The following ANKHD1 variants were observed in gnomAD, a reference collection of about 807,000 sequenced individuals.
The protein encoded by ANKHD1 is ankyrin repeat and KH domain containing 1, also known as ankyrin repeat and KH domain-containing protein 1.
ANKHD1 carries 31 observed loss-of-function variants against 230.5 expected under a neutral mutation model. That is an observed-to-expected ratio of 0.13 (90% CI 0.10 to 0.18). The LOEUF (loss-of-function observed/expected upper bound fraction) is 0.18, where lower values mean the gene tolerates loss of function less well. ANKHD1 is among the 10% of genes least tolerant of loss of function. The pLI is 1.00. For missense variants in ANKHD1, 2,256 were observed against 3,071.3 expected (o/e 0.73, Z 6.27); for synonymous variants, 1,074 against 1,117.6 (o/e 0.96, Z 0.78).
intron 1 of ANKHD1, among the ~76,000 whole-genome samples, chr5:140,422,552 C>G (rs1772067141): frequency 6.6e-6 from 1 of 151,412 alleles, no homozygotes; most frequent in Admixed American, 6.6e-5. Flanking sequence ...TCTTCCAGCA[C>G]TTTGGGGGGC....
At chr5:140,518,771 T>G (rs1753172610) in intron 24 of ANKHD1, among the ~76,000 whole-genome samples, 1 of 152,180 alleles carries the variant, frequency 6.6e-6, no homozygotes. Context: ...AATTAGGTAT[T>G]GATGGGACGT....
intron 10 of ANKHD1, among the ~76,000 whole-genome samples, chr5:140,471,091 C>T (rs1031121621): frequency 1.3e-4 from 20 of 152,080 alleles, no homozygotes; most frequent in African/African-American, 4.1e-4. Flanking sequence ...ATCTGAAATG[C>T]TCCATGAGCA....
intron 15 of ANKHD1, among the ~76,000 whole-genome samples, chr5:140,503,553 C>CTTTTTTTTTTTTTTTTTTTTTTTTTTTTT (rs70988767): frequency 9.7e-5 from 5 of 51,420 alleles, no homozygotes; most frequent in Admixed American, 3.1e-4. Context: ...AGTTTTCTTT[C>CTTTTTTTTTTTTTTTTTTTTTTTTTTTTT]TTTTTTTTTT....
intron 1 of ANKHD1, among the ~76,000 whole-genome samples, chr5:140,430,652 C>CTTTT: frequency 8.7e-6 from 1 of 114,706 alleles, no homozygotes; most frequent in Non-Finnish European, 1.8e-5. Flanking sequence ...TGGTTTCCAT[C>CTTTT]TTTTTTTTTT....
intron 1 of ANKHD1, among the ~76,000 whole-genome samples, chr5:140,408,402 T>C (rs1219074508): frequency 6.6e-6 from 1 of 152,204 alleles, no homozygotes; most frequent in African/African-American, 2.4e-5. Context: ...ACACATACTT[T>C]AAAGGCATAT....
At chr5:140,530,557 T>TA (rs1753767998) in intron 29 of ANKHD1, among the ~76,000 whole-genome samples, 1 of 152,230 alleles carries the variant, frequency 6.6e-6, no homozygotes. Context: ...TATAGGCTCT[T>TA]ACTTTTGAAA....
chr5:140,424,527 A>G (rs1247129929), intron 1 of ANKHD1, among the ~76,000 whole-genome samples: 2 of 152,226 alleles, frequency 1.3e-5, no homozygotes, highest in South Asian at 2.1e-4. Context: ...GCTAGAATAT[A>G]AAAAGCAAAT....
At position 140,537,500 on chromosome 5, in the gene ANKHD1, G is replaced by A. The variant is rs777500808; in HGVS notation, c.7139G>A (p.Gly2380Glu). 2.5e-6 allele frequency: 4 copies of A among 1,613,892 alleles called. No individual in the cohort carries two copies. Among genetic ancestry groups the A allele is most frequent in the Non-Finnish European group, 3.4e-6 (4 of 1,179,980 alleles). Residue 2380 changes from glycine (G) to glutamate (E), a missense_variant, in exon 31 of 34, where the codon GGG (glycine) becomes GAG (glutamate). Transcript: ENST00000360839. ...AGACTGGCCCGAATTCGGCAAGGAG[G>A]GTCTGTTGCACAAGCCCCGGCGGGG... ...TERLARIRQG[G>E]SVAQAPAGTS...
intron 1 of ANKHD1, among the ~76,000 whole-genome samples, chr5:140,411,664 C>T (rs751455750): frequency 6.6e-5 from 10 of 151,374 alleles, no homozygotes; most frequent in Non-Finnish European, 8.8e-5. Flanking sequence ...GGATTATAGG[C>T]GGCCACCACC....
chr5:140,436,105 T>A lies in ANKHD1; in HGVS notation c.308T>A (p.Val103Asp). ...SGSDEDEVSE[V>D]ESFILDQEDL... ...ATTGCATCTTTATTTCATTAACAGG[T>A]TGAATCATTTATTTTGGACCAAGAA... is the stretch of plus-strand genomic sequence containing the variant. Residue 103 changes from valine (V) to aspartate (D), a missense_variant and splice_region_variant, in exon 2 of 34, where the codon GTT becomes GAT. By Grantham distance (152) the Val-to-Asp change is radical. Coordinates refer to ENST00000360839, the MANE Select transcript of ANKHD1 (RefSeq NM_017747.3). 1 of 1,555,276 alleles carries A rather than the reference T, an allele frequency of 6.4e-7. No individual in the cohort carries two copies. The highest frequency in any genetic ancestry group is 2.3e-5 in the East Asian group (1 of 42,726).
At position 140,458,565 on chromosome 5, in the gene ANKHD1, T is replaced by TA. The variant is rs879278268; in HGVS notation, c.1243-53dup. The TA allele has an allele frequency of 1.2e-4, 180 of 1,544,132 alleles. No individual in the cohort carries two copies. The Middle Eastern group carries it at 1.4e-3, about 12-fold the overall frequency. On this transcript the variant is annotated intron_variant, in intron 7 of 33. Coordinates refer to ENST00000360839, the MANE Select transcript of ANKHD1 (RefSeq NM_017747.3). Reference sequence around the variant, plus strand: ...ATCTCTTGCTTTCTTCTCTCCCACTTAAAAAAATCTCAAAACAAAAAATTT... The same window carrying TA: ...ATCTCTTGCTTTCTTCTCTCCCACTTAAAAAAAATCTCAAAACAAAAAATTT...
At chr5:140,411,074 A>G (rs1770885490) in intron 1 of ANKHD1, among the ~76,000 whole-genome samples, 1 of 152,210 alleles carries the variant, frequency 6.6e-6, no homozygotes, top group Non-Finnish European at 1.5e-5. Context: ...TTTAGTTCCT[A>G]TTGAAGTTTT....
intron 6 of ANKHD1, among the ~76,000 whole-genome samples, chr5:140,448,950 G>A (rs1188388470): frequency 6.6e-6 from 1 of 152,088 alleles, no homozygotes; most frequent in African/African-American, 2.4e-5. Flanking sequence ...TTCAACCAAG[G>A]TAAAAGCATT....
intron 1 of ANKHD1, 118 bp from the exon 2 acceptor site, chr5:140,435,986 A>G (rs1421940449): frequency 3.9e-6 from 5 of 1,281,328 alleles, no homozygotes; most frequent in Non-Finnish European, 5.1e-6. Flanking sequence ...TTGTTTCTAT[A>G]ATAATTTTTC....
chr5:140,438,580 A>G lies in ANKHD1; in HGVS notation c.580A>G (p.Lys194Glu). ...AGCTGCTGCTGCACTGACACGGATG[A>G]AAGCAGAAAACAGCCACAATGCAGG... ...DEAAAALTRM[K>E]AENSHNAGQV... is the part of the protein sequence containing the mutation. The change falls in exon 3 of 34, where the codon AAA becomes GAA. Residue 194 changes from lysine (K) to glutamate (E), a missense_variant. Lys to Glu is a moderately conservative substitution (Grantham distance 56). This residue lies in a region of ANKHD1 where 206 missense variants were observed against 304.5 expected (regional missense o/e 0.68). Transcript: ENST00000360839. 6.2e-7 allele frequency: 1 copy of G among 1,610,962 alleles called. No homozygotes were observed. Among genetic ancestry groups the G allele is most frequent in the Non-Finnish European group, 8.5e-7 (1 of 1,178,076 alleles).
At chr5:140,515,871 C>T (rs1014896654) in intron 24 of ANKHD1, among the ~76,000 whole-genome samples, 2 of 152,152 alleles carry the variant, frequency 1.3e-5, no homozygotes, top group African/African-American at 4.8e-5. Context: ...AAACTGGAAA[C>T]TCTAAAAAGC....
intron 7 of ANKHD1, among the ~76,000 whole-genome samples, chr5:140,454,953 G>A (rs542079463): frequency 7.3e-4 from 110 of 151,116 alleles, no homozygotes; most frequent in Middle Eastern, 6.8e-3. Flanking sequence ...GATCAACAAA[G>A]TTGGTAGACT....
At chr5:140,428,664 G>A (rs1312055900) in intron 1 of ANKHD1, among the ~76,000 whole-genome samples, 1 of 152,070 alleles carries the variant, frequency 6.6e-6, no homozygotes, top group Admixed American at 6.6e-5. Context: ...AGAGGGAGAG[G>A]GCGAGGGCGA....
chr5:140,515,970 A>G (rs974512142), intron 24 of ANKHD1, among the ~76,000 whole-genome samples: 2 of 152,238 alleles, frequency 1.3e-5, no homozygotes, highest in Non-Finnish European at 2.9e-5. Context: ...AGCTGAGAGA[A>G]GAAGGCCTCA....
Sources: allele counts gnomAD v4.1 joint callset (sites outside exome capture counted in the v4.1 genomes callset), GRCh38; gene constraint gnomAD v4.1.1; regional missense constraint gnomAD v4.1.1; transcripts MANE v1.5; gene names NCBI Gene and HGNC (gene_info 2026-07-23, HGNC 2026-07-21).